Variants in ATG7 observed in about 807,000 individuals in gnomAD.
ATG7 encodes the protein ubiquitin-like modifier-activating enzyme ATG7.
ATG7 carries 70 observed loss-of-function variants against 82.4 expected under a neutral mutation model. The ratio of observed to expected loss-of-function variants is 0.85; its 90% CI spans 0.70 to 1.04. The LOEUF (loss-of-function observed/expected upper bound fraction) is 1.04, where lower values mean the gene tolerates loss of function less well. ATG7 is among the 50% of genes least tolerant of loss of function. The pLI is 0.00. For synonymous variants in ATG7, 287 were observed against 313.0 expected (o/e 0.92, Z 0.88); for missense variants, 792 against 864.3 (o/e 0.92, Z 1.05).
rs568028327 is a variant in ATG7 at position 11,335,089 on chromosome 3, G to A, written c.889+1996G>A. On this transcript the variant is annotated intron_variant, in intron 11 of 20. Coordinates refer to ENST00000693202, the MANE Select transcript of ATG7 (RefSeq NM_001349232.2). ...TAACACAGATGTCTTTACACAATTC[G>A]CTGAAAGATTGACAGAGTACTTCTG... Among the ~76,000 whole-genome samples, 19 of 151,696 alleles carry A rather than the reference G, an allele frequency of 1.3e-4. No individual in the cohort carries two copies. In the South Asian group the frequency reaches 3.5e-3, roughly 28 times the overall value.
intron 19 of ATG7, among the ~76,000 whole-genome samples, chr3:11,393,699 T>C (rs2078995405): frequency 6.6e-6 from 1 of 151,988 alleles, no homozygotes; most frequent in Non-Finnish European, 1.5e-5. Context: ...TTTTTTTCTT[T>C]TATCTCAGTC....
chr3:11,530,505 C>T (rs566382131), intron 20 of ATG7, among the ~76,000 whole-genome samples: 7 of 152,182 alleles, frequency 4.6e-5, no homozygotes, highest in African/African-American at 1.4e-4. Context: ...GCAAGAAATG[C>T]AAAGATAAAT....
intron 20 of ATG7, among the ~76,000 whole-genome samples, chr3:11,501,480 G>A (rs1268017837): frequency 6.6e-6 from 1 of 152,006 alleles, no homozygotes; most frequent in African/African-American, 2.4e-5. Flanking sequence ...AGAAAGTAAA[G>A]TTCATTTTTG....
intron 20 of ATG7, among the ~76,000 whole-genome samples, chr3:11,552,114 T>C (rs972849745): frequency 1.3e-5 from 2 of 152,260 alleles, no homozygotes; most frequent in African/African-American, 4.8e-5. Flanking sequence ...TTGGTTGTTG[T>C]CAATTTTATA....
At chr3:11,513,214 G>A (rs556832582) in intron 20 of ATG7, among the ~76,000 whole-genome samples, 1 of 152,376 alleles carries the variant, frequency 6.6e-6, no homozygotes. Flanking sequence ...GCTGCAGGTG[G>A]AGCTGCCTGC....
intron 3 of ATG7, among the ~76,000 whole-genome samples, chr3:11,295,163 CT>C (rs1411612923): frequency 6.6e-6 from 1 of 152,110 alleles, no homozygotes; most frequent in East Asian, 1.9e-4. Context: ...TTGGAAAACG[CT>C]TGGTCAGGCG....
intron 1 of ATG7, among the ~76,000 whole-genome samples, chr3:11,276,601 G>A (rs115225498): frequency 0.017 from 2,543 of 152,138 alleles, 79 homozygotes; most frequent in African/African-American, 0.055. Flanking sequence ...ATCAGACCTC[G>A]ACATTGCCAG....
At position 11,308,988 on chromosome 3, in the gene ATG7, G is replaced by A. The variant is rs752815525; in HGVS notation, c.338G>A (p.Trp113Ter). 6 of 1,613,386 alleles carry A rather than the reference G, an allele frequency of 3.7e-6. No individual in the cohort carries two copies. The South Asian group carries it at 5.5e-5, about 15-fold the overall frequency. The change falls in exon 7 of 21, where the codon TGG becomes TAG. Residue 113 changes from tryptophan to a stop codon, truncating the protein, a stop_gained. Transcript: ENST00000693202. LOFTEE classifies it high-confidence loss of function. ...ATGCTTTTCTTCTTCTTGCAGATAT[G>A]GGAATCCATAAAATCAGGCACTGCT... ...LLLEQAANEI[W>*]ESIKSGTALE...
At chr3:11,285,912 A>G (rs577201748) in intron 3 of ATG7, among the ~76,000 whole-genome samples, 1 of 152,332 alleles carries the variant, frequency 6.6e-6, no homozygotes, top group Admixed American at 6.5e-5. Flanking sequence ...CCAGGATCAC[A>G]CGTGGTCCCC....
chr3:11,508,505 A>G (rs549876874), intron 20 of ATG7, among the ~76,000 whole-genome samples: 59 of 152,246 alleles, frequency 3.9e-4, no homozygotes, highest in African/African-American at 1.4e-3. Flanking sequence ...CCCAGGCTGG[A>G]ATGCAGTGGC....
intron 20 of ATG7, among the ~76,000 whole-genome samples, chr3:11,502,223 T>A (rs931617124): frequency 2.0e-5 from 3 of 152,004 alleles, no homozygotes; most frequent in African/African-American, 7.2e-5. Flanking sequence ...AATTTTAATT[T>A]ATTTTTTATT....
intron 7 of ATG7, among the ~76,000 whole-genome samples, chr3:11,309,451 A>AT (rs3836459): frequency 0.53 from 78,285 of 147,298 alleles, 20,706 homozygotes; most frequent in Non-Finnish European, 0.6. Context: ...TCGCTTGTTG[A>AT]TTTTTTTTTT....
intron 19 of ATG7, among the ~76,000 whole-genome samples, chr3:11,385,424 G>T (rs2078246283): frequency 6.6e-6 from 1 of 152,252 alleles, no homozygotes; most frequent in Non-Finnish European, 1.5e-5. Context: ...TCATAGATTT[G>T]AAAGGAATGG....
At chr3:11,463,991 C>G (rs888872755) in intron 20 of ATG7, among the ~76,000 whole-genome samples, 2 of 152,154 alleles carry the variant, frequency 1.3e-5, no homozygotes, top group Non-Finnish European at 2.9e-5. Flanking sequence ...GTGTTTGTGA[C>G]AAACCTGAGA....
At chr3:11,514,208 G>A (rs763588106) in intron 20 of ATG7, among the ~76,000 whole-genome samples, 9 of 152,194 alleles carry the variant, frequency 5.9e-5, no homozygotes, top group Admixed American at 1.3e-4. Context: ...GATGACAAAC[G>A]AAGGAAAGTG....
intron 9 of ATG7, among the ~76,000 whole-genome samples, chr3:11,330,656 G>C (rs935442911): frequency 1.3e-5 from 2 of 152,148 alleles, no homozygotes; most frequent in Non-Finnish European, 1.5e-5. Flanking sequence ...CAGTATCTGG[G>C]TGCTGGGTGC....
intron 20 of ATG7, among the ~76,000 whole-genome samples, chr3:11,546,289 A>T (rs2125045088): frequency 6.9e-6 from 1 of 144,352 alleles, no homozygotes; most frequent in East Asian, 2.1e-4. Context: ...TTCCTGCCTC[A>T]GCCTCCCGAG....
chr3:11,495,507 G>A (rs1229224605), intron 20 of ATG7, among the ~76,000 whole-genome samples: 5 of 152,164 alleles, frequency 3.3e-5, no homozygotes, highest in African/African-American at 1.2e-4. Flanking sequence ...TTGGTCAATA[G>A]AGAGAGGGTG....
intron 19 of ATG7, among the ~76,000 whole-genome samples, chr3:11,422,487 C>T (rs1247858850): frequency 2.0e-5 from 3 of 152,162 alleles, no homozygotes; most frequent in Admixed American, 1.3e-4. Context: ...AGTAAAGGGA[C>T]TTTTAGCTTT....
Sources: allele counts gnomAD v4.1 joint callset (sites outside exome capture counted in the v4.1 genomes callset), GRCh38; gene constraint gnomAD v4.1.1; transcripts MANE v1.5; gene names NCBI Gene and HGNC (gene_info 2026-07-23, HGNC 2026-07-21).